Variants in SMARCA2 observed in about 807,000 individuals in gnomAD.
The protein encoded by SMARCA2 is SWI/SNF related BAF chromatin remodeling complex subunit ATPase 2.
A neutral mutation model predicts 199.8 loss-of-function variants in SMARCA2; 61 were observed. That is an observed-to-expected ratio of 0.31 (90% CI 0.25 to 0.38). SMARCA2 has a LOEUF of 0.38. Ranked by LOEUF, SMARCA2 falls within the 10% of genes least tolerant of loss-of-function variation. The pLI, the probability that SMARCA2 is intolerant of heterozygous loss-of-function variation, is 1.00. For missense variants in SMARCA2, 1,344 were observed against 2,012.2 expected (o/e 0.67, Z 6.35); for synonymous variants, 935 against 732.0 (o/e 1.28, Z -4.48).
In SMARCA2 at chr9:2,101,584, A is replaced by G. The variant is rs762066303; in HGVS notation, c.3093A>G (p.Glu1031=). The change falls in exon 22 of 34, where the codon GAA becomes GAG. Residue 1031 remains glutamate, a synonymous_variant. Transcript: ENST00000349721. ...CTCTTTTAAAGGAATCCTTTGCTGAACACCTAGGCTATTCAAATGGGGTCA... is the reference window on the plus strand; with the variant it reads ...CTCTTTTAAAGGAATCCTTTGCTGAGCACCTAGGCTATTCAAATGGGGTCA... ...MFQHIEESFA[E]HLGYSNGVIN... is the part of the protein sequence containing the mutation. 3.9e-6 allele frequency: 6 copies of G among 1,546,092 alleles called. No homozygotes were observed. Among genetic ancestry groups the G allele is most frequent in the Non-Finnish European group, 5.3e-6 (6 of 1,133,924 alleles).
intron 27 of SMARCA2, among the ~76,000 whole-genome samples, chr9:2,135,622 A>T (rs1272295083): frequency 1.3e-5 from 2 of 152,138 alleles, no homozygotes; most frequent in African/African-American, 4.8e-5. Context: ...GCTCACTGCA[A>T]CCTCTGCCTC....
intron 32 of SMARCA2, among the ~76,000 whole-genome samples, chr9:2,187,156 A>ACTGT (rs1258952005): frequency 1.3e-5 from 2 of 152,080 alleles, no homozygotes; most frequent in Non-Finnish European, 2.9e-5. Context: ...ATGACAGGGT[A>ACTGT]CTGTCTTTAT....
intron 4 of SMARCA2, chr9:2,042,770 A>G (rs1263989207): frequency 2.0e-5 from 3 of 152,044 alleles, no homozygotes; most frequent in East Asian, 1.9e-4. Context: ...TAAATTTTCA[A>G]TAGTCGGAGC....
chr9:2,022,864 A>T (rs899386926), intron 1 of SMARCA2, among the ~76,000 whole-genome samples: 4 of 152,138 alleles, frequency 2.6e-5, no homozygotes, highest in Non-Finnish European at 4.4e-5. Context: ...TCAGTTTGTT[A>T]GCTTTTGTTT....
intron 3 of SMARCA2, among the ~76,000 whole-genome samples, chr9:2,033,659 T>C (rs933242880): frequency 5.3e-5 from 8 of 152,362 alleles, no homozygotes; most frequent in African/African-American, 1.7e-4. Flanking sequence ...TATTCTCTTA[T>C]ATAATTCTGG....
chr9:2,133,160 A>G (rs888506951), intron 27 of SMARCA2, among the ~76,000 whole-genome samples: 4 of 152,266 alleles, frequency 2.6e-5, no homozygotes, highest in Non-Finnish European at 4.4e-5. Flanking sequence ...AGGAGCCCCA[A>G]TAATTTCACA....
At chr9:2,160,024 G>C in intron 27 of SMARCA2, 3 of 1,419,878 alleles carry the variant, frequency 2.1e-6, no homozygotes, top group Non-Finnish European at 2.9e-6. Flanking sequence ...GTGCAACTGG[G>C]TGCTTGAGGA....
intron 32 of SMARCA2, among the ~76,000 whole-genome samples, chr9:2,189,565 C>G (rs149940564): frequency 6.6e-6 from 1 of 152,068 alleles, no homozygotes; most frequent in Non-Finnish European, 1.5e-5. Context: ...TGGCTTCTTT[C>G]ATCTATTTCT....
rs111582890 is a variant in SMARCA2, at chr9:2,124,172, G to A, written c.3981+235G>A. On this transcript the variant is annotated intron_variant, in intron 27 of 33. Coordinates refer to ENST00000349721, the MANE Select transcript of SMARCA2 (RefSeq NM_003070.5). ...GCGGTGCTTGGAAAAAAATATGCAG[G>A]ATTTTTTGCTAGAGCAGAATTGGCC... Among the ~76,000 whole-genome samples, 1,035 of 152,296 alleles carry A rather than the reference G, an allele frequency of 6.8e-3. 14 individuals are homozygous for A. Among genetic ancestry groups the A allele is most frequent in the African/African-American group, 0.024 (1,000 of 41,556 alleles).
intron 4 of SMARCA2, chr9:2,043,639 T>C (rs1819708479): frequency 6.6e-6 from 1 of 152,256 alleles, no homozygotes; most frequent in Non-Finnish European, 1.5e-5. Flanking sequence ...AAATTCTTAC[T>C]GAATGCATAG....
chr9:2,145,633 CATT>C (rs1267978809), intron 27 of SMARCA2, among the ~76,000 whole-genome samples: 1 of 152,128 alleles, frequency 6.6e-6, no homozygotes, highest in Non-Finnish European at 1.5e-5. Flanking sequence ...TGAAGATTGA[CATT>C]AAAATACCTA....
At position 2,170,416 on chromosome 9, in the gene SMARCA2, C is replaced by T. The variant is rs1826185974; in HGVS notation, c.4200-3C>T. 6.2e-7 allele frequency: 1 copy of T among 1,614,084 alleles called. No individual in the cohort carries two copies. Among genetic ancestry groups the T allele is most frequent in the South Asian group, 1.1e-5 (1 of 91,066 alleles). ...CTCTAGTGTTCTTTCTACTCTACCG[C>T]AGGTGTAACGTGGAGAAGGTGCCCA... On this transcript the variant is annotated splice_polypyrimidine_tract_variant and splice_region_variant and intron_variant, in intron 28 of 33. Transcript: ENST00000349721. The surrounding 1 kb of genome is among the most constrained non-coding windows in gnomAD (Gnocchi z 4.7).
At chr9:2,055,351 G>T (rs1820305467) in intron 6 of SMARCA2, among the ~76,000 whole-genome samples, 1 of 152,188 alleles carries the variant, frequency 6.6e-6, no homozygotes, top group African/African-American at 2.4e-5. Flanking sequence ...TTCTAAATTA[G>T]TAAGAGACAA....
rs78449149 is a variant in SMARCA2 at position 2,185,499 on chromosome 9, C to T, written c.4462-597C>T. Among the ~76,000 whole-genome samples, 224 of 152,288 alleles carry T rather than the reference C, an allele frequency of 1.5e-3. 1 individual carries two copies. The highest frequency in any genetic ancestry group is 4.7e-3 in the African/African-American group (195 of 41,562). On this transcript the variant is annotated intron_variant, in intron 31 of 33. Transcript: ENST00000349721. ...TGGGTGTGCCAATGTCTTTTCAAGACGCCTCTTGTGATTCTTTATATACCC... is the reference window on the plus strand; with the variant it reads ...TGGGTGTGCCAATGTCTTTTCAAGATGCCTCTTGTGATTCTTTATATACCC...
chr9:2,039,787 A>AGCC lies in SMARCA2; in HGVS notation c.679_680insCGC (p.Gln226_Gln227insPro), dbSNP rs1819509460. 2.5e-6 allele frequency: 4 copies of AGCC among 1,572,332 alleles called. No individual in the cohort carries two copies. In the African/African-American group the frequency reaches 4.1e-5, roughly 16 times the overall value. ...CAACAGCAGCAGCAACAGCAGCAGCAGCAGCAGCAGCAGCAGCAGCAGCAG... is the reference window on the plus strand; with the variant it reads ...CAACAGCAGCAGCAACAGCAGCAGCAGCCGCAGCAGCAGCAGCAGCAGCAGCAG... On this transcript the variant is annotated inframe_insertion, in exon 4 of 34. Transcript: ENST00000349721. This position sits in a 1 kb window ranked among gnomAD's most constrained non-coding sequence, Gnocchi z 4.8.
At position 2,064,910 on chromosome 9, in the gene SMARCA2, T is replaced by C. The variant is rs112769056; in HGVS notation, c.1692+3924T>C. On this transcript the variant is annotated intron_variant, in intron 9 of 33. Coordinates refer to ENST00000349721, the MANE Select transcript of SMARCA2 (RefSeq NM_003070.5). ...CTTAAAAGTTTAGCCATCAGCTGGG[T>C]GCGGCGGCTCACGCCTGTAATCCCA... 2.3e-3 allele frequency among the ~76,000 whole-genome samples: 348 copies of C among 152,264 alleles called. 2 individuals carry two copies. The highest frequency in any genetic ancestry group is 7.1e-3 in the South Asian group (34 of 4,820).
chr9:2,187,354 G>T (rs1827540862), intron 32 of SMARCA2, among the ~76,000 whole-genome samples: 1 of 152,094 alleles, frequency 6.6e-6, no homozygotes, highest in Admixed American at 6.6e-5. Context: ...TATTCCAAAG[G>T]TTAAGGGTGC....
intron 19 of SMARCA2, among the ~76,000 whole-genome samples, chr9:2,090,596 C>A (rs1822011940): frequency 6.6e-6 from 1 of 152,318 alleles, no homozygotes; most frequent in Non-Finnish European, 1.5e-5. Context: ...CCATGCCAGG[C>A]ACATGGTGGG....
chr9:2,186,023 A>T, intron 31 of SMARCA2, 73 bp from the exon 32 acceptor site: 1 of 1,393,998 alleles, frequency 7.2e-7, no homozygotes, highest in Non-Finnish European at 1.0e-6. Context: ...AAGCTGGTGT[A>T]TTGCATAAGG....
Sources: allele counts gnomAD v4.1 joint callset (sites outside exome capture counted in the v4.1 genomes callset), GRCh38; gene constraint gnomAD v4.1.1; non-coding constraint Gnocchi (gnomAD v3.1); transcripts MANE v1.5; gene names NCBI Gene and HGNC (gene_info 2026-07-23, HGNC 2026-07-21).